The following CDH1 variants were observed in gnomAD, a reference collection of about 807,000 sequenced individuals.
The protein encoded by CDH1 is cadherin 1, also known as cadherin-1.
CDH1 carries 35 observed loss-of-function variants against 84.5 expected under a neutral mutation model. The ratio of observed to expected loss-of-function variants is 0.41; its 90% CI spans 0.32 to 0.55. The LOEUF (loss-of-function observed/expected upper bound fraction) is 0.55, where lower values mean the gene tolerates loss of function less well. CDH1 is among the 20% of genes least tolerant of loss of function. The pLI, the probability that CDH1 is intolerant of heterozygous loss-of-function variation, is 0.19. For missense variants in CDH1, 994 were observed against 1,126.6 expected, an observed-to-expected ratio of 0.88 and a Z score of 1.68; for synonymous variants, 417 against 439.0, an observed-to-expected ratio of 0.95 and a Z score of 0.63.
At chr16:68,782,086 A>G (rs1368045440) in intron 2 of CDH1, among the ~76,000 whole-genome samples, 1 of 152,206 alleles carries the variant, frequency 6.6e-6, no homozygotes, top group Non-Finnish European at 1.5e-5. Flanking sequence ...TCTTTGATCA[A>G]GAGGGGTGGA....
intron 2 of CDH1, among the ~76,000 whole-genome samples, chr16:68,760,087 T>TA (rs1555511679): frequency 0.13 from 13,481 of 102,676 alleles, 672 homozygotes; most frequent in African/African-American, 0.21. Flanking sequence ...TATATATATA[T>TA]TTTTTTTTTT....
chr16:68,825,345 T>C (rs930251853), intron 13 of CDH1, among the ~76,000 whole-genome samples: 11 of 152,116 alleles, frequency 7.2e-5, no homozygotes, highest in Admixed American at 1.3e-4. Flanking sequence ...AGCAGAGGCT[T>C]GAGGAGACTC....
chr16:68,785,645 T>C (rs1960026885), intron 2 of CDH1, among the ~76,000 whole-genome samples: 1 of 152,216 alleles, frequency 6.6e-6, no homozygotes, highest in South Asian at 2.1e-4. Flanking sequence ...TCCCCTTCTT[T>C]TTAGTTACAC....
chr16:68,755,728 A>G (rs1251753563), intron 2 of CDH1, among the ~76,000 whole-genome samples: 1 of 151,548 alleles, frequency 6.6e-6, no homozygotes, highest in Non-Finnish European at 1.5e-5. Flanking sequence ...CATGTTGCCC[A>G]AGAGGAATAT....
intron 2 of CDH1, among the ~76,000 whole-genome samples, chr16:68,791,259 C>G (rs1164965692): frequency 6.6e-6 from 1 of 152,190 alleles, no homozygotes; most frequent in Non-Finnish European, 1.5e-5. Context: ...GCACACAGCT[C>G]CAAGCTGGGG....
chr16:68,758,504 T>C (rs986693977), intron 2 of CDH1, among the ~76,000 whole-genome samples: 2 of 151,966 alleles, frequency 1.3e-5, no homozygotes, highest in Non-Finnish European at 2.9e-5. Flanking sequence ...GGAGGATCAC[T>C]TGAGCCTGGG....
intron 2 of CDH1, among the ~76,000 whole-genome samples, chr16:68,774,659 C>A (rs1283440218): frequency 6.6e-6 from 1 of 152,026 alleles, no homozygotes; most frequent in African/African-American, 2.4e-5. Flanking sequence ...CAGCCTGGAC[C>A]CTTTGCAATG....
intron 3 of CDH1, among the ~76,000 whole-genome samples, chr16:68,803,383 C>T (rs1039237555): frequency 6.6e-6 from 1 of 152,122 alleles, no homozygotes; most frequent in Non-Finnish European, 1.5e-5. Context: ...GTGTGGAAGC[C>T]TCTTATGATC....
chr16:68,809,542 T>C (rs1960762529), intron 5 of CDH1, among the ~76,000 whole-genome samples: 1 of 151,832 alleles, frequency 6.6e-6, no homozygotes, highest in African/African-American at 2.4e-5. Context: ...TTTTGTTTTT[T>C]TGAGACCGAG....
Position 68,834,336 on chromosome 16 carries a change from C to G in CDH1, c.*837C>G, listed in dbSNP as rs1961582031. 1 of 494,204 alleles carries G rather than the reference C, an allele frequency of 2.0e-6. No homozygotes were observed. Among genetic ancestry groups the G allele is most frequent in the Admixed American group, 2.4e-5 (1 of 42,238 alleles). 30.6% of individuals were successfully genotyped at this position (494,204 alleles called of 1,614,324 possible). A position where few individuals can be genotyped will look rare whatever the true frequency, so the allele number is the denominator to read the frequency against. On this transcript the variant is annotated 3_prime_UTR_variant, in exon 16 of 16. Coordinates refer to ENST00000261769, the MANE Select transcript of CDH1 (RefSeq NM_004360.5). ...GGGATGCAGTGATGTGATCATAGCT[C>G]ACTGTAACCTCAAACTCTGGGGCTC...
intron 2 of CDH1, among the ~76,000 whole-genome samples, chr16:68,747,470 C>CAT (rs1409341940): frequency 1.3e-5 from 2 of 152,074 alleles, no homozygotes; most frequent in Admixed American, 6.6e-5. Context: ...TATACATCTT[C>CAT]ATATATATAT....
At chr16:68,818,789 G>T (rs1461685301) in intron 10 of CDH1, among the ~76,000 whole-genome samples, 2 of 143,930 alleles carry the variant, frequency 1.4e-5, no homozygotes, top group Non-Finnish European at 3.0e-5. Context: ...GGTGGAGCTT[G>T]CAGCGAGCCG....
Position 68,834,266 on chromosome 16 carries a change from C to A in CDH1, c.*767C>A, listed in dbSNP as rs905706160. On this transcript the variant is annotated 3_prime_UTR_variant, in exon 16 of 16. Transcript: ENST00000261769. ...ACTGCACCTGCCCAGCTCCCCAACTCCCTGCCATTTTTTAAGAGACAGTTT... is the reference window on the plus strand; with the variant it reads ...ACTGCACCTGCCCAGCTCCCCAACTACCTGCCATTTTTTAAGAGACAGTTT... The A allele has an allele frequency of 3.9e-6, 2 of 511,594 alleles. No homozygotes were observed. The highest frequency in any genetic ancestry group is 8.7e-5 in the East Asian group (2 of 23,082). 31.7% of individuals were successfully genotyped at this position (511,594 alleles called of 1,614,324 possible).
chr16:68,743,356 TTTC>T (rs375734132), intron 2 of CDH1, among the ~76,000 whole-genome samples: 18,326 of 40,672 alleles, frequency 0.45, 2,971 homozygotes, highest in Non-Finnish European at 0.48. Flanking sequence ...TCTTTCTTTC[TTTC>T]TTTCTTTTCT....
chr16:68,821,338 G>A (rs1249710497), intron 11 of CDH1, among the ~76,000 whole-genome samples: 1 of 152,016 alleles, frequency 6.6e-6, no homozygotes, highest in African/African-American at 2.4e-5. Flanking sequence ...AGCCAAGCAT[G>A]GTGGCATGCG....
intron 15 of CDH1, among the ~76,000 whole-genome samples, chr16:68,832,318 T>G (rs1162299475): frequency 6.6e-6 from 1 of 151,830 alleles, no homozygotes; most frequent in Non-Finnish European, 1.5e-5. Context: ...CTTGCTATTT[T>G]AAAAATATAA....
chr16:68,791,962 C>T (rs1438739273), intron 2 of CDH1, among the ~76,000 whole-genome samples: 1 of 152,030 alleles, frequency 6.6e-6, no homozygotes, highest in Non-Finnish European at 1.5e-5. Flanking sequence ...TCTCTGTTGC[C>T]CAGGCTGGAG....
intron 2 of CDH1, among the ~76,000 whole-genome samples, chr16:68,800,040 A>T (rs1434173320): frequency 6.6e-6 from 1 of 151,318 alleles, no homozygotes; most frequent in Non-Finnish European, 1.5e-5. Context: ...AATTAAAAAA[A>T]AAAAAAAAAC....
intron 2 of CDH1, among the ~76,000 whole-genome samples, chr16:68,777,059 G>T (rs1959752812): frequency 6.6e-6 from 1 of 152,152 alleles, no homozygotes; most frequent in South Asian, 2.1e-4. Context: ...ATGCAACATT[G>T]GTGCCTCTAA....
Sources: allele counts gnomAD v4.1 joint callset (sites outside exome capture counted in the v4.1 genomes callset), GRCh38; gene constraint gnomAD v4.1.1; transcripts MANE v1.5; gene names NCBI Gene and HGNC (gene_info 2026-07-23, HGNC 2026-07-21).